Variants in NMBR observed in about 807,000 individuals in gnomAD.
The protein encoded by NMBR is neuromedin-B receptor.
A neutral mutation model predicts 20.5 loss-of-function variants in NMBR; 16 were observed. The observed-to-expected ratio is 0.78, with a 90% CI of 0.53 to 1.19. The LOEUF is 1.19. NMBR is among the 50% of genes most tolerant of loss of function. The pLI, the probability that NMBR is intolerant of heterozygous loss-of-function variation, is 0.00. For synonymous variants in NMBR, 212 were observed against 196.6 expected, an observed-to-expected ratio of 1.08 and a Z score of -0.65; for missense variants, 582 against 499.1, an observed-to-expected ratio of 1.17 and a Z score of -1.58.
intron 1 of NMBR, among the ~76,000 whole-genome samples, chr6:142,136,026 A>G (rs1181947220): frequency 9.9e-5 from 15 of 152,246 alleles, no homozygotes; most frequent in South Asian, 8.3e-4. Context: ...TGGGATGGCT[A>G]GGTCAAATGG....
At chr6:142,146,824 A>G (rs1418281355) in intron 1 of NMBR, among the ~76,000 whole-genome samples, 1 of 152,244 alleles carries the variant, frequency 6.6e-6, no homozygotes, top group Non-Finnish European at 1.5e-5. Flanking sequence ...AAGTTTCTAA[A>G]ATCAAAAAGG....
chr6:142,096,758 T>C (rs1390623838), intron 1 of NMBR, among the ~76,000 whole-genome samples: 1 of 152,110 alleles, frequency 6.6e-6, no homozygotes, highest in Admixed American at 6.6e-5. Flanking sequence ...ATCTGTCTAA[T>C]GTTGACAGTG....
intron 1 of NMBR, among the ~76,000 whole-genome samples, chr6:142,103,533 G>T (rs1485788751): frequency 1.3e-5 from 2 of 152,096 alleles, no homozygotes; most frequent in Admixed American, 6.5e-5. Context: ...ATTCCATGAT[G>T]GGTCATGGAA....
intron 1 of NMBR, among the ~76,000 whole-genome samples, chr6:142,095,572 T>C (rs909794506): frequency 1.3e-5 from 2 of 152,154 alleles, no homozygotes; most frequent in South Asian, 4.1e-4. Flanking sequence ...TCATTGAGGA[T>C]TTTTGCATTG....
intron 1 of NMBR, among the ~76,000 whole-genome samples, chr6:142,109,064 T>C (rs1014849813): frequency 6.6e-6 from 1 of 152,228 alleles, no homozygotes; most frequent in South Asian, 2.1e-4. Flanking sequence ...TGAGGTGGGC[T>C]TCCACAGCCT....
In NMBR at chr6:142,081,767, CTT is replaced by C. The variant is rs1777102348; in HGVS notation, c.423-2866_423-2865del. Reference sequence around the variant, plus strand: ...TATAGACATGTGGGGAAAAGTATCTCTTAGTATAAAAAGTGTTTCACTGTGTA... The same window carrying C: ...TATAGACATGTGGGGAAAAGTATCTCAGTATAAAAAGTGTTTCACTGTGTA... On this transcript the variant is annotated intron_variant, in intron 2 of 3. Coordinates refer to ENST00000258042, the MANE Select transcript of NMBR (RefSeq NM_002511.4). Among the ~76,000 whole-genome samples, 3 of 152,148 alleles carry C rather than the reference CTT, an allele frequency of 2.0e-5. No individual in the cohort carries two copies. In the South Asian group the frequency reaches 6.2e-4, roughly 31 times the overall value.
At chr6:142,144,836 G>C (rs1328405911) in intron 1 of NMBR, among the ~76,000 whole-genome samples, 2 of 151,906 alleles carry the variant, frequency 1.3e-5, no homozygotes, top group Non-Finnish European at 2.9e-5. Context: ...TATCACTTGA[G>C]ACTAAGAGTT....
At chr6:142,118,436 T>C (rs1777888613) in intron 1 of NMBR, among the ~76,000 whole-genome samples, 3 of 151,944 alleles carry the variant, frequency 2.0e-5, no homozygotes, top group African/African-American at 7.2e-5. Context: ...AACCTGTTAA[T>C]TGAAGAATCA....
At chr6:142,083,588 T>C (rs1777141842) in intron 2 of NMBR, among the ~76,000 whole-genome samples, 1 of 152,140 alleles carries the variant, frequency 6.6e-6, no homozygotes, top group Non-Finnish European at 1.5e-5. Flanking sequence ...GGGAGGTGAC[T>C]GGATCATGAG....
At chr6:142,119,814 A>C (rs1435493133) in intron 1 of NMBR, among the ~76,000 whole-genome samples, 1 of 151,928 alleles carries the variant, frequency 6.6e-6, no homozygotes, top group Non-Finnish European at 1.5e-5. Context: ...ATTTTACTAA[A>C]CAACCCACAG....
intron 1 of NMBR, among the ~76,000 whole-genome samples, chr6:142,118,031 A>C (rs1287830406): frequency 6.6e-6 from 1 of 151,964 alleles, no homozygotes; most frequent in Non-Finnish European, 1.5e-5. Flanking sequence ...TTTCACAAAA[A>C]CCATTGATTA....
chr6:142,111,068 T>C (rs1408436616), intron 1 of NMBR, among the ~76,000 whole-genome samples: 4 of 151,994 alleles, frequency 2.6e-5, no homozygotes, highest in Admixed American at 2.0e-4. Context: ...GGTGAAATCC[T>C]GTCTCTACTG....
At chr6:142,144,819 G>A (rs1476065568) in intron 1 of NMBR, among the ~76,000 whole-genome samples, 1 of 152,014 alleles carries the variant, frequency 6.6e-6, no homozygotes, top group Non-Finnish European at 1.5e-5. Flanking sequence ...GGAGGCCGAG[G>A]CAGGAGTATC....
intron 1 of NMBR, among the ~76,000 whole-genome samples, chr6:142,135,922 T>A (rs1778246749): frequency 6.6e-6 from 1 of 151,914 alleles, no homozygotes; most frequent in Non-Finnish European, 1.5e-5. Context: ...TGGTTCCAAG[T>A]CTTTGCTATT....
intron 1 of NMBR, among the ~76,000 whole-genome samples, chr6:142,139,587 T>A (rs2114614054): frequency 6.6e-6 from 1 of 152,312 alleles, no homozygotes; most frequent in Non-Finnish European, 1.5e-5. Context: ...TCTCTTCAAC[T>A]GACAAGGTGG....
In NMBR at chr6:142,088,602, A is replaced by G. The variant is rs1423182715; in HGVS notation, c.57T>C (p.Gly19=). Residue 19 remains glycine (G), a synonymous_variant, in exon 2 of 4, where the codon GGT becomes GGC. Transcript: ENST00000258042. ...LSVTTGANES[G]SVPEGWERDF... The stretch of plus-strand genomic sequence containing the variant: ...CCCTTTCCCACCCCTCGGGAACGGA[A>G]CCGCTCTCATTCGCGCCGGTGGTCA... 3.1e-6 allele frequency: 5 copies of G among 1,611,644 alleles called. No homozygotes were observed. Among genetic ancestry groups the G allele is most frequent in the East Asian group, 2.2e-5 (1 of 44,844 alleles).
At position 142,093,980 on chromosome 6, in the gene NMBR, G is replaced by A. The variant is rs551972177; in HGVS notation, c.-663-4659C>T. ...TGAGAAGTGTCTGTTCATATCCTTC[G>A]CCCACTCTTTGATGGGGTTGTTTTT... On this transcript the variant is annotated intron_variant, in intron 1 of 3. Transcript: ENST00000258042. Among the ~76,000 whole-genome samples, 40 of 121,724 alleles carry A rather than the reference G, an allele frequency of 3.3e-4. No individual in the cohort carries two copies. The East Asian group carries it at 3.9e-3, about 12-fold the overall frequency. The allele number at this position is 121,724 out of a possible 152,430, so 79.9% of individuals were successfully genotyped here. A position where few individuals can be genotyped will look rare whatever the true frequency, so the allele number is the denominator to read the frequency against.
Position 142,107,837 on chromosome 6 carries a change from T to G in NMBR, c.-663-18516A>C, listed in dbSNP as rs1037397267. ...CACCATAAAGAAGGGAAGAAAGGTA[T>G]GAGGACAATGTCTCAACAAATAGAG... On this transcript the variant is annotated intron_variant, in intron 1 of 3. Transcript: ENST00000258042. Among the ~76,000 whole-genome samples, 7 of 151,480 alleles carry G rather than the reference T, an allele frequency of 4.6e-5. No individual in the cohort carries two copies. In the East Asian group the frequency reaches 1.2e-3, roughly 25 times the overall value.
At chr6:142,115,149 C>T (rs752851472) in intron 1 of NMBR, among the ~76,000 whole-genome samples, 1 of 151,984 alleles carries the variant, frequency 6.6e-6, no homozygotes, top group Non-Finnish European at 1.5e-5. Flanking sequence ...CGTCAAGTGA[C>T]CTCATATTAG....
Sources: allele counts gnomAD v4.1 joint callset (sites outside exome capture counted in the v4.1 genomes callset), GRCh38; gene constraint gnomAD v4.1.1; transcripts MANE v1.5; gene names NCBI Gene and HGNC (gene_info 2026-07-23, HGNC 2026-07-21).